Variants in MED14 observed in about 807,000 individuals in gnomAD.
MED14 encodes mediator complex subunit 14.
MED14 carries 8 observed loss-of-function variants against 109.0 expected under a neutral mutation model. The ratio of observed to expected loss-of-function variants is 0.07; its 90% CI spans 0.04 to 0.13. The LOEUF (loss-of-function observed/expected upper bound fraction) is 0.13, where lower values mean the gene tolerates loss of function less well. Among genes scored for constraint, MED14 ranks in the 10% least tolerant of loss-of-function variants. The pLI is 1.00. For missense variants in MED14, 711 were observed against 1,142.4 expected, an observed-to-expected ratio of 0.62 and a Z score of 5.44; for synonymous variants, 399 against 408.7, an observed-to-expected ratio of 0.98 and a Z score of 0.29.
In MED14 at chrX:40,697,081, T is replaced by G. The variant is rs1930749391; in HGVS notation, c.1593A>C (p.Gly531=). Residue 531 remains glycine (G), a synonymous_variant, in exon 13 of 31, where the codon GGA becomes GGC. Transcript: ENST00000324817. ...TGAACAGTTTATTCTTAGAAAGGTT[T>G]CCAATAGGATGAGTTGAGTAATTGG... ...QLSNYSTHPI[G]NLSKNKLFIK... The G allele has an allele frequency of 8.4e-7, 1 of 1,195,500 alleles. No homozygotes were observed. Among genetic ancestry groups the G allele is most frequent in the East Asian group, 3.0e-5 (1 of 33,776 alleles).
chrX:40,733,060 C>T, intron 1 of MED14, among the ~76,000 whole-genome samples: 1 of 110,344 alleles, frequency 9.1e-6, no homozygotes, highest in Non-Finnish European at 1.9e-5. Flanking sequence ...AAAAGTGTCC[C>T]GGTTTGGACT....
intron 4 of MED14, 113 bp from the exon 5 acceptor site, chrX:40,714,020 T>C: frequency 1.3e-6 from 1 of 782,777 alleles, no homozygotes; most frequent in Middle Eastern, 4.5e-4. Context: ...ATCTTAACAC[T>C]CATTTCTGCA....
At chrX:40,707,857 C>G (rs779821673) in intron 10 of MED14, among the ~76,000 whole-genome samples, 1 of 111,467 alleles carries the variant, frequency 9.0e-6, no homozygotes, top group South Asian at 3.8e-4. Flanking sequence ...GTGATAGTTG[C>G]ACAACTCTTT....
chrX:40,659,250 C>T lies in MED14; in HGVS notation c.3949G>A (p.Val1317Met), dbSNP rs757154794. The T allele has an allele frequency of 1.7e-6, 2 of 1,157,313 alleles. No homozygotes were observed. The highest frequency in any genetic ancestry group is 2.3e-6 in the Non-Finnish European group (2 of 866,242). The change falls in exon 28 of 31, where the codon GTG becomes ATG. Residue 1317 changes from valine (V) to methionine (M), a missense_variant. Transcript: ENST00000324817. ...GAPTHILRDC[V>M]HIMKLELFPD... is the part of the protein sequence containing the mutation. ...ACCAGCTCCAGCTTCATAATGTGCACACAATCCCTGAGGATGTGTGTAGGA... is the reference window on the plus strand; with the variant it reads ...ACCAGCTCCAGCTTCATAATGTGCATACAATCCCTGAGGATGTGTGTAGGA...
At position 40,703,523 on chromosome X, in the gene MED14, C is replaced by T; in HGVS notation, c.1332G>A (p.Glu444=). ...ALPALVVPIL[E]PCGNSECLHI... ...GCAGACACTCTGAATTACCACAGGG[C>T]TCCAAGATGGGAACAACAAGAGCTG... The change falls in exon 11 of 31, where the codon GAG becomes GAA. Residue 444 remains glutamate, a synonymous_variant. Coordinates refer to ENST00000324817, the MANE Select transcript of MED14 (RefSeq NM_004229.4). 9 of 1,191,349 alleles carry T rather than the reference C, an allele frequency of 7.6e-6. No homozygotes were observed. The highest frequency in any genetic ancestry group is 1.0e-5 in the Non-Finnish European group (9 of 878,543).
intron 26 of MED14, among the ~76,000 whole-genome samples, chrX:40,662,212 AT>A (rs1929308079): frequency 1.8e-5 from 2 of 110,330 alleles, no homozygotes; most frequent in African/African-American, 6.6e-5. Flanking sequence ...ACCATAAATA[AT>A]TTTCTTCAAA....
chrX:40,712,430 A>G, intron 6 of MED14, 137 bp from the exon 7 acceptor site: 1 of 409,964 alleles, frequency 2.4e-6, no homozygotes, highest in Non-Finnish European at 4.3e-6. Context: ...TTGACATTGT[A>G]CTCTGAGAAA....
At chrX:40,668,562 C>T (rs1374083760) in intron 23 of MED14, among the ~76,000 whole-genome samples, 1 of 111,023 alleles carries the variant, frequency 9.0e-6, no homozygotes, top group Non-Finnish European at 1.9e-5. Context: ...TGAATAAATG[C>T]AACATTTAAG....
At chrX:40,710,772 G>A (rs1367718278) in intron 8 of MED14, among the ~76,000 whole-genome samples, 1 of 112,331 alleles carries the variant, frequency 8.9e-6, no homozygotes, top group East Asian at 2.8e-4. Flanking sequence ...TAAGACAGGT[G>A]TCAACTATGG....
At chrX:40,696,518 TAAAG>T (rs1406082402) in intron 13 of MED14, among the ~76,000 whole-genome samples, 10 of 109,949 alleles carry the variant, frequency 9.1e-5, no homozygotes, top group Middle Eastern at 4.6e-3. Context: ...AATTCAAAAA[TAAAG>T]AAACTAAAAA....
intron 12 of MED14, among the ~76,000 whole-genome samples, chrX:40,698,806 T>A (rs767947490): frequency 8.9e-6 from 1 of 112,283 alleles, no homozygotes; most frequent in African/African-American, 3.2e-5. Context: ...TCTCGCAACA[T>A]TACTGATGAG....
intron 10 of MED14, among the ~76,000 whole-genome samples, chrX:40,709,031 C>A (rs1931244773): frequency 9.0e-6 from 1 of 111,132 alleles, no homozygotes; most frequent in African/African-American, 3.3e-5. Flanking sequence ...TTGTCTAAAG[C>A]TCCTGGCCTC....
intron 21 of MED14, among the ~76,000 whole-genome samples, chrX:40,679,128 C>T (rs775853180): frequency 8.9e-6 from 1 of 112,106 alleles, no homozygotes; most frequent in Non-Finnish European, 1.9e-5. Flanking sequence ...TGGTCCAGGA[C>T]CTTACATTTT....
At chrX:40,676,339 T>C (rs1302226290) in intron 21 of MED14, among the ~76,000 whole-genome samples, 1 of 111,700 alleles carries the variant, frequency 9.0e-6, no homozygotes, top group Non-Finnish European at 1.9e-5. Flanking sequence ...ACAACACACA[T>C]TGCATTCTTT....
At chrX:40,711,336 C>T (rs767251350) in intron 7 of MED14, 35 bp from the exon 8 acceptor site, 3 of 1,091,164 alleles carry the variant, frequency 2.7e-6, no homozygotes, top group African/African-American at 3.7e-5. Flanking sequence ...TAATACATTA[C>T]ACCAACAGTC....
At chrX:40,680,708 A>G (rs1157091110) in intron 20 of MED14, 50 bp downstream of exon 20, 1 of 1,079,642 alleles carries the variant, frequency 9.3e-7, no homozygotes, top group Non-Finnish European at 1.3e-6. Context: ...GTGAACCAGC[A>G]CGGCTGGCAT....
intron 10 of MED14, among the ~76,000 whole-genome samples, chrX:40,707,804 G>A (rs1049089855): frequency 2.7e-5 from 3 of 111,802 alleles, no homozygotes; most frequent in Non-Finnish European, 3.8e-5. Flanking sequence ...TGGGTACACG[G>A]TTTCTTTCTG....
Position 40,735,452 on chromosome X carries a change from C to T in MED14, c.-40G>A. ...GGGCTTGGCGCAACGGCACACGATG[C>T]GGTCCTCGAGCCTCCCGGGCGCTCG... is the stretch of plus-strand genomic sequence containing the variant. On this transcript the variant is annotated 5_prime_UTR_variant, in exon 1 of 31. Coordinates refer to ENST00000324817, the MANE Select transcript of MED14 (RefSeq NM_004229.4). 2 of 1,099,025 alleles carry T rather than the reference C, an allele frequency of 1.8e-6. No homozygotes were observed. The highest frequency in any genetic ancestry group is 1.2e-6 in the Non-Finnish European group (1 of 822,582). The allele number at this position is 1,099,025 out of a possible 1,213,427, so 90.6% of individuals were successfully genotyped here.
intron 20 of MED14, 36 bp from the exon 21 acceptor site, chrX:40,680,169 C>A (rs1385174944): frequency 1.7e-6 from 2 of 1,180,576 alleles, no homozygotes; most frequent in African/African-American, 3.6e-5. Context: ...CAGCCAGTTT[C>A]TGTACAAATG....
Sources: allele counts gnomAD v4.1 joint callset (sites outside exome capture counted in the v4.1 genomes callset), GRCh38; gene constraint gnomAD v4.1.1; transcripts MANE v1.5; gene names NCBI Gene and HGNC (gene_info 2026-07-23, HGNC 2026-07-21).